The following NBPF11 variants were observed in gnomAD, a reference collection of about 807,000 sequenced individuals.
NBPF11 encodes the protein NBPF member 11, also known as NBPF family member NBPF11.
In NBPF11, 72 loss-of-function variants were observed where a neutral mutation model predicts 93.9. That is an observed-to-expected ratio of 0.77 (90% CI 0.63 to 0.93). The LOEUF (loss-of-function observed/expected upper bound fraction) is 0.93. Ranked by LOEUF, NBPF11 falls within the 40% of genes least tolerant of loss-of-function variation. The pLI is 0.00. For missense variants in NBPF11, 705 were observed against 802.2 expected (o/e 0.88, Z 1.46); for synonymous variants, 224 against 304.9 (o/e 0.73, Z 2.76).
At chr1:148,137,229 G>A (rs1671449593) in intron 3 of NBPF11, among the ~76,000 whole-genome samples, 1 of 151,878 alleles carries the variant, frequency 6.6e-6, no homozygotes, top group Non-Finnish European at 1.5e-5. Context: ...AGAAGATGAA[G>A]TCAGAGAAGG....
intron 5 of NBPF11, 21 bp from the exon 6 acceptor site, chr1:148,125,022 C>T: frequency 2.0e-6 from 3 of 1,533,932 alleles, no homozygotes; most frequent in Non-Finnish European, 2.7e-6. Flanking sequence ...ACAGACACGC[C>T]TGCCTCAGTG....
chr1:148,116,678 T>G, intron 12 of NBPF11, 143 bp from the exon 13 acceptor site: 2 of 593,522 alleles, frequency 3.4e-6, no homozygotes, highest in South Asian at 4.0e-5. Flanking sequence ...TTTAACAGAA[T>G]GCCCTGGCAT....
At position 148,140,463 on chromosome 1, in the gene NBPF11, T is replaced by C. The variant is rs1393637005; in HGVS notation, c.-276-2654A>G. On this transcript the variant is annotated intron_variant, in intron 2 of 23. Coordinates refer to ENST00000682118, the MANE Select transcript of NBPF11 (RefSeq NM_001385469.3). ...AAAACTTCTGTTCTGTGAAAGACACTGTTAAGAGAATGGAAAAAGCAAGTC... is the reference window on the plus strand; with the variant it reads ...AAAACTTCTGTTCTGTGAAAGACACCGTTAAGAGAATGGAAAAAGCAAGTC... Among the ~76,000 whole-genome samples, 9 of 151,038 alleles carry C rather than the reference T, an allele frequency of 6.0e-5. No homozygotes were observed. In the South Asian group the frequency reaches 1.3e-3, roughly 21 times the overall value.
intron 4 of NBPF11, among the ~76,000 whole-genome samples, chr1:148,129,067 C>A (rs1669738982): frequency 7.4e-6 from 1 of 134,268 alleles, no homozygotes; most frequent in African/African-American, 2.8e-5. Context: ...TTAATGGGTG[C>A]AGCAAACCAA....
intron 9 of NBPF11, among the ~76,000 whole-genome samples, chr1:148,121,328 C>T (rs1448346041): frequency 6.6e-6 from 1 of 151,006 alleles, no homozygotes; most frequent in Non-Finnish European, 1.5e-5. Context: ...AAGATGTGAG[C>T]CAGCGTCCCT....
chr1:148,150,928 T>C (rs9787185), intron 1 of NBPF11, among the ~76,000 whole-genome samples: 9 of 151,832 alleles, frequency 5.9e-5, no homozygotes, highest in African/African-American at 1.9e-4. Context: ...GGGGTTTCAC[T>C]GTGTTAGCCA....
At chr1:148,111,700 G>A (rs1553268686) in intron 15 of NBPF11, among the ~76,000 whole-genome samples, 1 of 151,656 alleles carries the variant, frequency 6.6e-6, no homozygotes, top group African/African-American at 2.4e-5. Flanking sequence ...GAGAAATTTA[G>A]AGAAAAAAGA....
rs1553271872 is a variant in NBPF11 at position 148,122,678 on chromosome 1, A to G, written c.566+51T>C. The G allele has an allele frequency of 1.8e-5, 29 of 1,602,606 alleles. No homozygotes were observed. The South Asian group carries it at 3.2e-4, about 18-fold the overall frequency. ...ATGCCAGAGAGGGCGTGCCTCCTAG[A>G]CATTTTCATATGTTACCACCCATTA... On this transcript the variant is annotated intron_variant, in intron 8 of 23. Coordinates refer to ENST00000682118, the MANE Select transcript of NBPF11 (RefSeq NM_001385469.3).
Position 148,149,683 on chromosome 1 carries a change from C to A in NBPF11, c.-549+2067G>T, listed in dbSNP as rs1353440817. The A allele has an allele frequency of 2.6e-5, 19 of 733,858 alleles. No individual in the cohort carries two copies. In the East Asian group the frequency reaches 4.6e-4, roughly 18 times the overall value. 45.5% of individuals were successfully genotyped at this position (733,858 alleles called of 1,614,324 possible). On this transcript the variant is annotated intron_variant, in intron 1 of 23. Coordinates refer to ENST00000682118, the MANE Select transcript of NBPF11 (RefSeq NM_001385469.3). Reference sequence around the variant, plus strand: ...CCCGGGCGGCCCAGGGGACCCCGCCCCGACCCAGGGGCTGTGGACGATGTA... The same window carrying A: ...CCCGGGCGGCCCAGGGGACCCCGCCACGACCCAGGGGCTGTGGACGATGTA...
intron 1 of NBPF11, among the ~76,000 whole-genome samples, chr1:148,145,696 T>G (rs1233692695): frequency 4.6e-5 from 7 of 151,442 alleles, no homozygotes; most frequent in Non-Finnish European, 8.8e-5. Context: ...CTATGCAACA[T>G]GGCAAAACCC....
intron 16 of NBPF11, among the ~76,000 whole-genome samples, chr1:148,109,916 G>A (rs1326170698): frequency 7.1e-6 from 1 of 141,690 alleles, no homozygotes; most frequent in African/African-American, 2.8e-5. Context: ...TAAATTCAGT[G>A]AAACCTGGGT....
chr1:148,110,258 A>G, intron 16 of NBPF11, 120 bp downstream of exon 16: 1 of 1,278,838 alleles, frequency 7.8e-7, no homozygotes. Flanking sequence ...ACATTGATAT[A>G]TAGGTTCAGC....
Position 148,149,526 on chromosome 1 carries a change from G to A in NBPF11, c.-549+2224C>T, listed in dbSNP as rs1188011439. The A allele has an allele frequency of 1.4e-5, 22 of 1,593,924 alleles. 1 individual carries two copies. In the African/African-American group the frequency reaches 1.6e-4, roughly 12 times the overall value. On this transcript the variant is annotated intron_variant, in intron 1 of 23. Coordinates refer to ENST00000682118, the MANE Select transcript of NBPF11 (RefSeq NM_001385469.3). ...TACAGCCAGTACCTGGAGCGCCTGC[G>A]TCGCTTCATCTCCCAGGAGCTGCCC...
chr1:148,118,594 T>G, intron 11 of NBPF11, 26 bp downstream of exon 11: 3 of 1,590,972 alleles, frequency 1.9e-6, no homozygotes, highest in African/African-American at 2.7e-5. Flanking sequence ...CCTGCCCCCC[T>G]GCCTGCCCCC....
intron 11 of NBPF11, among the ~76,000 whole-genome samples, chr1:148,118,396 A>G (rs1331894033): frequency 1.3e-5 from 2 of 151,468 alleles, no homozygotes; most frequent in African/African-American, 4.9e-5. Context: ...ATCAACAATT[A>G]CTTGTTTGAA....
Position 148,113,303 on chromosome 1 carries a change from A to T in NBPF11, c.1637+1134T>A, listed in dbSNP as rs1350993694. 1.1e-4 allele frequency among the ~76,000 whole-genome samples: 17 copies of T among 152,098 alleles called. No homozygotes were observed. The South Asian group carries it at 1.5e-3, about 13-fold the overall frequency. On this transcript the variant is annotated intron_variant, in intron 15 of 23. Transcript: ENST00000682118. Reference sequence around the variant, plus strand: ...TACCAAGCAAATGGAAAGCAAAAAAACGCAGGGGTTGCAATCCTAGTCTCT... The same window carrying T: ...TACCAAGCAAATGGAAAGCAAAAAATCGCAGGGGTTGCAATCCTAGTCTCT...
chr1:148,110,308 G>A (rs1374700166), intron 16 of NBPF11, 70 bp downstream of exon 16: 2 of 1,552,318 alleles, frequency 1.3e-6, no homozygotes, highest in Non-Finnish European at 1.8e-6. Flanking sequence ...AGGGGCACAA[G>A]GCCCAAAGAT....
chr1:148,123,733 G>A, intron 7 of NBPF11, 120 bp downstream of exon 7: 8 of 1,609,544 alleles, frequency 5.0e-6, no homozygotes, highest in Non-Finnish European at 6.8e-6. Flanking sequence ...ATCATGTCAT[G>A]GCCACATATG....
At chr1:148,123,740 T>C in intron 7 of NBPF11, 113 bp downstream of exon 7, 3 of 1,609,810 alleles carry the variant, frequency 1.9e-6, no homozygotes, top group South Asian at 2.2e-5. Flanking sequence ...CATGGCCACA[T>C]ATGTGTAGTA....
Sources: gnomAD v4.1 joint callset for allele counts (sites outside exome capture counted in the v4.1 genomes callset) on GRCh38, gnomAD v4.1.1 for gene constraint, MANE v1.5 for transcripts, NCBI Gene and HGNC (gene_info 2026-07-23, HGNC 2026-07-21) for gene names.